The following CLIP2 variants were observed in gnomAD, a reference collection of about 807,000 sequenced individuals.
CLIP2 encodes CAP-Gly domain containing linker protein 2, also known as CAP-Gly domain-containing linker protein 2.
In CLIP2, 41 loss-of-function variants were observed where a neutral mutation model predicts 111.7. The observed-to-expected ratio is 0.37, with a 90% CI of 0.29 to 0.48. CLIP2 has a LOEUF of 0.48. Among genes scored for constraint, CLIP2 ranks in the 20% least tolerant of loss-of-function variants. The pLI, the probability that CLIP2 is intolerant of heterozygous loss-of-function variation, is 0.99. For synonymous variants in CLIP2, 660 were observed against 644.2 expected (o/e 1.02, Z -0.37); for missense variants, 1,160 against 1,422.1 (o/e 0.82, Z 2.96).
chr7:74,375,744 C>T (rs945843853), intron 9 of CLIP2, 143 bp from the exon 10 acceptor site: 5 of 637,988 alleles, frequency 7.8e-6, no homozygotes, highest in South Asian at 2.1e-5. Context: ...AGGGAGTGAG[C>T]GCCTTTCCCT....
chr7:74,306,330 AG>A (rs1256914679), intron 1 of CLIP2, among the ~76,000 whole-genome samples: 1 of 152,038 alleles, frequency 6.6e-6, no homozygotes, highest in African/African-American at 2.4e-5. Context: ...GGGACCCCCG[AG>A]GGCCCTGGAG....
At chr7:74,334,807 C>G (rs1259127371) in intron 2 of CLIP2, among the ~76,000 whole-genome samples, 1 of 134,410 alleles carries the variant, frequency 7.4e-6, no homozygotes, top group Non-Finnish European at 1.6e-5. Context: ...GGCAAAACCC[C>G]GTCTCTAATA....
intron 2 of CLIP2, among the ~76,000 whole-genome samples, chr7:74,319,287 A>C (rs1788879225): frequency 6.6e-6 from 1 of 152,072 alleles, no homozygotes. Flanking sequence ...CCAACACTGG[A>C]GGATCACCTA....
In CLIP2 at chr7:74,357,398, G is replaced by A. The variant is rs1790179661; in HGVS notation, c.1136G>A (p.Arg379Gln). The A allele has an allele frequency of 5.0e-6, 8 of 1,613,534 alleles. No individual in the cohort carries two copies. Among genetic ancestry groups the A allele is most frequent in the East Asian group, 2.2e-5 (1 of 44,842 alleles). The change falls in exon 6 of 17, where the codon CGG (arginine) becomes CAG (glutamine). Residue 379 changes from arginine to glutamine, a missense_variant. Arg to Gln is a conservative substitution (Grantham distance 43). This residue lies in a region of CLIP2 where 70 missense variants were observed against 114.9 expected (regional missense o/e 0.61). Coordinates refer to ENST00000223398, the MANE Select transcript of CLIP2 (RefSeq NM_003388.5). ...CTGCTGGCTGAACGAGACCTGGAACGGGCTGAGGTGGCCAAGGCCACAAGC... is the reference window on the plus strand; with the variant it reads ...CTGCTGGCTGAACGAGACCTGGAACAGGCTGAGGTGGCCAAGGCCACAAGC... ...EQLLAERDLE[R>Q]AEVAKATSHI...
intron 12 of CLIP2, among the ~76,000 whole-genome samples, chr7:74,387,995 C>T (rs1791165792): frequency 1.3e-5 from 2 of 152,110 alleles, no homozygotes; most frequent in Admixed American, 6.6e-5. Context: ...CGAGACCAGC[C>T]TATGAAACAT....
chr7:74,384,868 C>T (rs1409694308), intron 11 of CLIP2, among the ~76,000 whole-genome samples: 3 of 151,704 alleles, frequency 2.0e-5, no homozygotes, highest in Non-Finnish European at 4.4e-5. Context: ...TCAGGCTGGG[C>T]GCAGTGGCTC....
intron 1 of CLIP2, among the ~76,000 whole-genome samples, chr7:74,305,791 G>A (rs1788463020): frequency 6.6e-6 from 1 of 150,822 alleles, no homozygotes; most frequent in Admixed American, 6.6e-5. Context: ...ACCGCACCCG[G>A]TCACATTTTA....
chr7:74,356,726 C>T (rs2116607237), intron 5 of CLIP2, 103 bp downstream of exon 5: 1 of 1,100,000 alleles, frequency 9.1e-7, no homozygotes, highest in Non-Finnish European at 1.3e-6. Flanking sequence ...TACTCTAGTT[C>T]CAGTTTGGGA....
intron 2 of CLIP2, among the ~76,000 whole-genome samples, chr7:74,336,967 C>T (rs1224729586): frequency 6.6e-6 from 1 of 150,452 alleles, no homozygotes; most frequent in East Asian, 2.0e-4. Flanking sequence ...CTCACTGTAA[C>T]CTCTGCCTCC....
chr7:74,340,233 C>A (rs990103212), intron 3 of CLIP2, among the ~76,000 whole-genome samples: 1 of 151,952 alleles, frequency 6.6e-6, no homozygotes, highest in African/African-American at 2.4e-5. Flanking sequence ...CCATCTCTAC[C>A]AAAAATACAA....
chr7:74,373,700 G>T (rs1442917967), intron 9 of CLIP2, among the ~76,000 whole-genome samples: 2 of 152,042 alleles, frequency 1.3e-5, no homozygotes, highest in Non-Finnish European at 2.9e-5. Context: ...GGAATGTCCT[G>T]TCTCTATGTA....
intron 2 of CLIP2, among the ~76,000 whole-genome samples, chr7:74,331,539 G>A (rs1387334190): frequency 1.3e-4 from 18 of 141,586 alleles, no homozygotes; most frequent in South Asian, 2.3e-4. Flanking sequence ...TTTTCTTTTC[G>A]TTTTCTTTTT....
chr7:74,333,238 CAGTG>C (rs1554731593), intron 2 of CLIP2, among the ~76,000 whole-genome samples: 1 of 152,088 alleles, frequency 6.6e-6, no homozygotes, highest in African/African-American at 2.4e-5. Context: ...GGCTGGAATG[CAGTG>C]ATGCGATTTC....
chr7:74,304,907 T>C (rs1554727496), intron 1 of CLIP2, among the ~76,000 whole-genome samples: 1 of 151,940 alleles, frequency 6.6e-6, no homozygotes, highest in Non-Finnish European at 1.5e-5. Context: ...ATTGCATCAC[T>C]ACACTCTTGC....
At chr7:74,328,796 A>G (rs1789192560) in intron 2 of CLIP2, among the ~76,000 whole-genome samples, 1 of 151,882 alleles carries the variant, frequency 6.6e-6, no homozygotes, top group African/African-American at 2.4e-5. Flanking sequence ...TCACTCTGTC[A>G]CCCAGGCTGG....
intron 6 of CLIP2, 136 bp from the exon 7 acceptor site, chr7:74,360,039 C>G (rs571139366): frequency 4.6e-6 from 3 of 655,462 alleles, no homozygotes; most frequent in Non-Finnish European, 7.8e-6. Context: ...TGTGCATGCC[C>G]GGCAGGTGCC....
intron 16 of CLIP2, among the ~76,000 whole-genome samples, chr7:74,403,600 C>T (rs1348315164): frequency 1.3e-5 from 2 of 152,012 alleles, no homozygotes; most frequent in African/African-American, 4.8e-5. Context: ...AACAAAAAAC[C>T]TGCTTCTTCC....
intron 1 of CLIP2, among the ~76,000 whole-genome samples, chr7:74,291,897 G>C (rs1330439500): frequency 6.7e-6 from 1 of 149,146 alleles, no homozygotes. Flanking sequence ...TCCTGGCCCT[G>C]CCACCCTGAC....
rs1789526993 is a variant in CLIP2 at position 74,338,021 on chromosome 7, G to A, written c.122-427G>A. 6.6e-6 allele frequency among the ~76,000 whole-genome samples: 1 copy of A among 152,092 alleles called. No homozygotes were observed. Among genetic ancestry groups the A allele is most frequent in the African/African-American group, 2.4e-5 (1 of 41,408 alleles). ...AACCATTCCTGCCTCGGTTTCCATG[G>A]CAAGACCATGTCTCTACAAAAAAAT... On this transcript the variant is annotated intron_variant, in intron 2 of 16. Coordinates refer to ENST00000223398, the MANE Select transcript of CLIP2 (RefSeq NM_003388.5). This position sits in a 1 kb window ranked among gnomAD's most constrained non-coding sequence, Gnocchi z 4.3.
Sources: gnomAD v4.1 joint callset for allele counts (sites outside exome capture counted in the v4.1 genomes callset) on GRCh38, gnomAD v4.1.1 for gene constraint, gnomAD v4.1.1 regional missense constraint, Gnocchi (gnomAD v3.1) non-coding constraint, MANE v1.5 for transcripts, NCBI Gene and HGNC (gene_info 2026-07-23, HGNC 2026-07-21) for gene names.